The following COL7A1 variants were observed in gnomAD, a reference collection of about 807,000 sequenced individuals.
COL7A1 encodes the protein collagen type VII alpha 1 chain, also known as collagen alpha-1(VII) chain.
COL7A1 carries 296 observed loss-of-function variants against 456.2 expected under a neutral mutation model. The observed-to-expected ratio is 0.65, with a 90% CI of 0.59 to 0.71. COL7A1 has a LOEUF of 0.71. Ranked by LOEUF, COL7A1 falls within the 30% of genes least tolerant of loss-of-function variation. The pLI is 0.00. For synonymous variants in COL7A1, 1,464 were observed against 1,525.9 expected, an observed-to-expected ratio of 0.96 and a Z score of 0.95; for missense variants, 3,441 against 4,017.2, an observed-to-expected ratio of 0.86 and a Z score of 3.88.
At position 48,586,393 on chromosome 3, in the gene COL7A1, C is replaced by G. The variant is rs775503849; in HGVS notation, c.3489G>C (p.Leu1163=). The change falls in exon 27 of 119, where the codon CTG becomes CTC. Residue 1163 remains leucine, a synonymous_variant. Coordinates refer to ENST00000681320, the MANE Select transcript of COL7A1 (RefSeq NM_000094.4). This position sits in a 1 kb window ranked among gnomAD's most constrained non-coding sequence, Gnocchi z 5.1. The part of the protein sequence containing the change: ...RRQHVPGVMV[L]LVDEPLRGDI... ...CACCTCTCAAGGGTTCATCCACTAG[C>G]AGAACCATCACCCCTGGTACGTGCT... is the stretch of plus-strand genomic sequence containing the variant. 7 of 1,613,796 alleles carry G rather than the reference C, an allele frequency of 4.3e-6. No homozygotes were observed. In the South Asian group the frequency reaches 7.7e-5, roughly 18 times the overall value.
intron 37 of COL7A1, 29 bp from the exon 38 acceptor site, chr3:48,584,090 C>T: frequency 6.2e-7 from 1 of 1,614,214 alleles, no homozygotes. Context: ...CCCCATGACC[C>T]TGGGCCACAC....
At position 48,579,601 on chromosome 3, in the gene COL7A1, G is replaced by A; in HGVS notation, c.5222C>T (p.Ala1741Val). The change falls in exon 59 of 119, where the codon GCC (alanine) becomes GTC (valine). Residue 1741 changes from alanine (A) to valine (V), a missense_variant. Coordinates refer to ENST00000681320, the MANE Select transcript of COL7A1 (RefSeq NM_000094.4). This position sits in a 1 kb window ranked among gnomAD's most constrained non-coding sequence, Gnocchi z 4.4. Reference sequence around the variant, plus strand: ...AATCACACTCACCCTTTCCCCAGGGGCTCCAGGGAGGCCAGGATCACCCTT... The same window carrying A: ...AATCACACTCACCCTTTCCCCAGGGACTCCAGGGAGGCCAGGATCACCCTT... Reference protein sequence around the residue: ...GPKGDPGLPGAPGERGIEGFR... With the variant: ...GPKGDPGLPGVPGERGIEGFR... 6.2e-7 allele frequency: 1 copy of A among 1,613,856 alleles called. No individual in the cohort carries two copies.
intron 37 of COL7A1, 43 bp downstream of exon 37, chr3:48,584,255 G>A (rs781609946): frequency 1.9e-6 from 3 of 1,569,316 alleles, no homozygotes; most frequent in Non-Finnish European, 2.6e-6. Context: ...TTCAAATGGG[G>A]TCACCAGGTC....
Position 48,571,312 on chromosome 3 carries a change from T to C in COL7A1, c.7069-34A>G. ...ACCCAGCAAACAGCATTTGAGAGGG[T>C]AGGAACATGAGCACAGAGTTCAGAC... On this transcript the variant is annotated intron_variant, in intron 92 of 118. Transcript: ENST00000681320. The surrounding 1 kb of genome is among the most constrained non-coding windows in gnomAD (Gnocchi z 4.6). 1 of 1,613,540 alleles carries C rather than the reference T, an allele frequency of 6.2e-7. No individual in the cohort carries two copies. Among genetic ancestry groups the C allele is most frequent in the East Asian group, 2.2e-5 (1 of 44,874 alleles).
At position 48,593,839 on chromosome 3, in the gene COL7A1, C is replaced by CCACACCCA; in HGVS notation, c.267-144_267-143insTGGGTGTG. The CCACACCCA allele has an allele frequency of 1.0e-6, 1 of 1,003,846 alleles. No homozygotes were observed. The highest frequency in any genetic ancestry group is 1.5e-6 in the Non-Finnish European group (1 of 654,206). 62.2% of individuals were successfully genotyped at this position (1,003,846 alleles called of 1,614,324 possible). On this transcript the variant is annotated intron_variant, in intron 3 of 118. Transcript: ENST00000681320. The surrounding 1 kb of genome is among the most constrained non-coding windows in gnomAD (Gnocchi z 4.4). ...TTCTGTCATTCTCCACACCCACTTG[C>CCACACCCA]CTCTGGAACCCCCAGGTTAACAAAC...
At position 48,571,101 on chromosome 3, in the gene COL7A1, C is replaced by T. The variant is rs538295287; in HGVS notation, c.7164G>A (p.Lys2388=). Residue 2388 remains lysine (K), a splice_region_variant and synonymous_variant, in exon 94 of 119, where the codon AAG becomes AAA. Coordinates refer to ENST00000681320, the MANE Select transcript of COL7A1 (RefSeq NM_000094.4). The surrounding 1 kb of genome is among the most constrained non-coding windows in gnomAD (Gnocchi z 4.6). ...SPGPPGPPGV[K]GDLGLPGLPG... ...AACTGGTGATGGGGCATTGACTTAC[C>T]TTCACACCTGGAGGGCCAGGAGGCC... 1.6e-5 allele frequency: 26 copies of T among 1,613,922 alleles called. No homozygotes were observed. The East Asian group carries it at 3.8e-4, about 24-fold the overall frequency.
At position 48,590,908 on chromosome 3, in the gene COL7A1, G is replaced by C. The variant is rs2045648516; in HGVS notation, c.1637-92C>G. 1.4e-6 allele frequency: 2 copies of C among 1,389,700 alleles called. No individual in the cohort carries two copies. The highest frequency in any genetic ancestry group is 2.3e-5 in the East Asian group (1 of 43,076). 86.1% of individuals were successfully genotyped at this position (1,389,700 alleles called of 1,614,324 possible). On this transcript the variant is annotated intron_variant, in intron 13 of 118. Transcript: ENST00000681320. This position sits in a 1 kb window ranked among gnomAD's most constrained non-coding sequence, Gnocchi z 4.6. ...GATGGACAGGGACGCAGAGTGAGAA[G>C]GGCCATGGGGGTGGGGATGTGGGGT...
rs1359961262 is a variant in COL7A1 at position 48,585,461 on chromosome 3, G to A, written c.3894+96C>T. On this transcript the variant is annotated intron_variant, in intron 32 of 118. Coordinates refer to ENST00000681320, the MANE Select transcript of COL7A1 (RefSeq NM_000094.4). This position sits in a 1 kb window ranked among gnomAD's most constrained non-coding sequence, Gnocchi z 4.5. ...TCCAGCTGGGCTTCTAGGAATTCCC[G>A]ATGATTCTAACTCTGCTTCTTCCTT... 1.9e-5 allele frequency: 26 copies of A among 1,394,764 alleles called. No homozygotes were observed. Among genetic ancestry groups the A allele is most frequent in the African/African-American group, 1.7e-4 (12 of 70,726 alleles). 86.4% of individuals were successfully genotyped at this position (1,394,764 alleles called of 1,614,324 possible).
rs2044302053 is a variant in COL7A1 at position 48,576,417 on chromosome 3, C to T, written c.5755G>A (p.Gly1919Arg). 6.2e-7 allele frequency: 1 copy of T among 1,613,802 alleles called. No individual in the cohort carries two copies. Among genetic ancestry groups the T allele is most frequent in the Non-Finnish European group, 8.5e-7 (1 of 1,180,014 alleles). The change falls in exon 70 of 119, where the codon GGA becomes AGA. Residue 1919 changes from glycine (G) to arginine (R), a missense_variant. This residue lies in a region of COL7A1 where 2,084 missense variants were observed against 2,501.3 expected (regional missense o/e 0.83). Coordinates refer to ENST00000681320, the MANE Select transcript of COL7A1 (RefSeq NM_000094.4). ...GGCCTCACCTGCTCCCCTTTGGATC[C>T]AGTCTCCCCACGGTCACCCTGAAAA... is the stretch of plus-strand genomic sequence containing the variant. ...TGPKGDRGET[G>R]SKGEQGLPGE... is the part of the protein sequence containing the mutation.
At position 48,573,814 on chromosome 3, in the gene COL7A1, C is replaced by T. The variant is rs201185080; in HGVS notation, c.6537+41G>A. The T allele has an allele frequency of 1.1e-5, 17 of 1,614,062 alleles. No homozygotes were observed. Among genetic ancestry groups the T allele is most frequent in the African/African-American group, 9.3e-5 (7 of 75,022 alleles). ...CAGTACTGGTCACTGGGGCAGGGCA[C>T]AGGATGGGGGCAAGACAGGTGAAGG... On this transcript the variant is annotated intron_variant, in intron 81 of 118. Transcript: ENST00000681320. The surrounding 1 kb of genome is among the most constrained non-coding windows in gnomAD (Gnocchi z 5.5).
At position 48,581,416 on chromosome 3, in the gene COL7A1, C is replaced by T. The variant is rs200514312; in HGVS notation, c.4818+32G>A. On this transcript the variant is annotated intron_variant, in intron 51 of 118. Transcript: ENST00000681320. The surrounding 1 kb of genome is among the most constrained non-coding windows in gnomAD (Gnocchi z 5.8). ...TCTCAAGGGGAGGGGACCCCAGAAGCCTTGAGGTTGCCCAGGGTAACGGGT... is the reference window on the plus strand; with the variant it reads ...TCTCAAGGGGAGGGGACCCCAGAAGTCTTGAGGTTGCCCAGGGTAACGGGT... 5 of 1,613,800 alleles carry T rather than the reference C, an allele frequency of 3.1e-6. No individual in the cohort carries two copies. The South Asian group carries it at 3.3e-5, about 11-fold the overall frequency.
rs1197162377 is a variant in COL7A1, at chr3:48,592,885, G to C, written c.736C>G (p.Gln246Glu). Residue 246 changes from glutamine (Q) to glutamate (E), a missense_variant, in exon 7 of 119, where the codon CAA becomes GAA. Physicochemically the swap from Gln to Glu is conservative, Grantham distance 29. Transcript: ENST00000681320. This position sits in a 1 kb window ranked among gnomAD's most constrained non-coding sequence, Gnocchi z 7.6. Reference sequence around the variant, plus strand: ...GCTGTCCACTGTACTCTCAAGGATTGGCTGCTTGGCTCAGACAGCACCAGG... The same window carrying C: ...GCTGTCCACTGTACTCTCAAGGATTCGCTGCTTGGCTCAGACAGCACCAGG... ...RDLVLSEPSS[Q>E]SLRVQWTAAS... The C allele has an allele frequency of 6.2e-7, 1 of 1,614,050 alleles. No individual in the cohort carries two copies. The highest frequency in any genetic ancestry group is 1.7e-5 in the Admixed American group (1 of 60,032).
Position 48,575,212 on chromosome 3 carries a change from C to T in COL7A1, c.6211G>A (p.Glu2071Lys). 1 of 1,614,064 alleles carries T rather than the reference C, an allele frequency of 6.2e-7. No individual in the cohort carries two copies. Among genetic ancestry groups the T allele is most frequent in the Non-Finnish European group, 8.5e-7 (1 of 1,180,004 alleles). ...GERGEKGERG[E>K]QGRDGPPGLP... ...CGAAGCCCATCGCAGCCCACCTGTT[C>T]TCCACGTTCTCCTTTCTCTCCCCGT... The change falls in exon 75 of 119, where the codon GAA becomes AAA. Residue 2071 changes from glutamate to lysine, a missense_variant. Around this residue, in one of 3 missense-constraint regions of COL7A1, gnomAD observed 2,084 missense variants for 2,501.3 expected, o/e 0.83. Coordinates refer to ENST00000681320, the MANE Select transcript of COL7A1 (RefSeq NM_000094.4). The surrounding 1 kb of genome is among the most constrained non-coding windows in gnomAD (Gnocchi z 6.3).
At position 48,592,659 on chromosome 3, in the gene COL7A1, C is replaced by A. The variant is rs1269543214; in HGVS notation, c.887G>T (p.Gly296Val). ...PAGETSVRLR[G>V]LRPLTEYQVT... The stretch of plus-strand genomic sequence containing the variant: ...TTGGTACTCGGTCAGTGGCCGGAGA[C>A]CCCGCAGCCGCACACTGGTCTCACC... Residue 296 changes from glycine (G) to valine (V), a missense_variant, in exon 8 of 119, where the codon GGT (glycine) becomes GTT (valine). Around this residue, in one of 3 missense-constraint regions of COL7A1, gnomAD observed 913 missense variants for 1,088.2 expected, o/e 0.84. Transcript: ENST00000681320. The surrounding 1 kb of genome is among the most constrained non-coding windows in gnomAD (Gnocchi z 7.6). 2 of 1,613,738 alleles carry A rather than the reference C, an allele frequency of 1.2e-6. No individual in the cohort carries two copies. Among genetic ancestry groups the A allele is most frequent in the Non-Finnish European group, 1.7e-6 (2 of 1,180,004 alleles).
At position 48,571,353 on chromosome 3, in the gene COL7A1, T is replaced by A. The variant is rs2043906463; in HGVS notation, c.7069-75A>T. The stretch of plus-strand genomic sequence containing the variant: ...GAGTTCAGACACGGGCTGAAAATAT[T>A]CCCAGGGGAGTTCTGATGTGACCAT... On this transcript the variant is annotated intron_variant, in intron 92 of 118. Coordinates refer to ENST00000681320, the MANE Select transcript of COL7A1 (RefSeq NM_000094.4). This position sits in a 1 kb window ranked among gnomAD's most constrained non-coding sequence, Gnocchi z 4.6. 2 of 1,575,864 alleles carry A rather than the reference T, an allele frequency of 1.3e-6. No individual in the cohort carries two copies. The highest frequency in any genetic ancestry group is 1.7e-6 in the Non-Finnish European group (2 of 1,147,548).
At chr3:48,576,043 T>C (rs749211169) in intron 71 of COL7A1, 141 bp from the exon 72 acceptor site, 6 of 1,459,048 alleles carry the variant, frequency 4.1e-6, no homozygotes, top group African/African-American at 1.4e-5. Context: ...GGTTGAGGCA[T>C]GGCTGGAGAC....
In COL7A1 at chr3:48,575,078, G is replaced by A. The variant is rs139920321; in HGVS notation, c.6265C>T (p.Pro2089Ser). ...GLPGTPGPPG[P>S]PGPKVSVDEP... ...GGGGTGATCACCTTGGGGCCAGGGG[G>A]TCCGGGGGGCCCAGGGGTTCCAGGG... Residue 2089 changes from proline to serine, a missense_variant, in exon 76 of 119, where the codon CCC (proline) becomes TCC (serine). Around this residue, in one of 3 missense-constraint regions of COL7A1, gnomAD observed 2,084 missense variants for 2,501.3 expected, o/e 0.83. Coordinates refer to ENST00000681320, the MANE Select transcript of COL7A1 (RefSeq NM_000094.4). The surrounding 1 kb of genome is among the most constrained non-coding windows in gnomAD (Gnocchi z 6.3). 22 of 1,613,298 alleles carry A rather than the reference G, an allele frequency of 1.4e-5. No homozygotes were observed. The highest frequency in any genetic ancestry group is 1.9e-5 in the Non-Finnish European group (22 of 1,179,602).
In COL7A1 at chr3:48,572,941, C is replaced by T. The variant is rs121912834; in HGVS notation, c.6752G>A (p.Gly2251Glu). The T allele has an allele frequency of 6.2e-7, 1 of 1,614,022 alleles. No homozygotes were observed. Among genetic ancestry groups the T allele is most frequent in the Non-Finnish European group, 8.5e-7 (1 of 1,179,990 alleles). ...QGSPGLPGQV[G>E]ETGKPGAPGR... ...TGGGGCTCCCGGCTTCCCTGTCTCC[C>T]CCTGAGAGGGAAGAGCTCTGTCAGG... The change falls in exon 87 of 119, where the codon GGG (glycine) becomes GAG (glutamate). Residue 2251 changes from glycine (G) to glutamate (E), a missense_variant and splice_region_variant. This residue lies in a region of COL7A1 where 2,084 missense variants were observed against 2,501.3 expected (regional missense o/e 0.83). Transcript: ENST00000681320. This position sits in a 1 kb window ranked among gnomAD's most constrained non-coding sequence, Gnocchi z 4.6.
rs1468082585 is a variant in COL7A1, at chr3:48,570,197, T to C, written c.7441-19A>G. On this transcript the variant is annotated intron_variant, in intron 98 of 118. Coordinates refer to ENST00000681320, the MANE Select transcript of COL7A1 (RefSeq NM_000094.4). The surrounding 1 kb of genome is among the most constrained non-coding windows in gnomAD (Gnocchi z 5.5). ...CTTCACCCTGGATGGTGACATTAGG[T>C]TCATTGACTCAGAGGTTGGAAATCA... 2 of 1,614,066 alleles carry C rather than the reference T, an allele frequency of 1.2e-6. No individual in the cohort carries two copies. Among genetic ancestry groups the C allele is most frequent in the Admixed American group, 3.3e-5 (2 of 60,026 alleles).
Sources: allele counts gnomAD v4.1 joint callset, GRCh38; gene constraint gnomAD v4.1.1; regional missense constraint gnomAD v4.1.1; non-coding constraint Gnocchi (gnomAD v3.1); transcripts MANE v1.5; gene names NCBI Gene and HGNC (gene_info 2026-07-23, HGNC 2026-07-21).